The following SMYD2 variants were observed in gnomAD, a reference collection of about 807,000 sequenced individuals.
SMYD2 encodes the protein SET and MYND domain containing 2, also known as N-lysine methyltransferase SMYD2.
In SMYD2, 53 loss-of-function variants were observed where a neutral mutation model predicts 59.1. The ratio of observed to expected loss-of-function variants is 0.90; its 90% CI spans 0.72 to 1.13. SMYD2 has a LOEUF of 1.13. Ranked by LOEUF, SMYD2 falls within the 50% of genes most tolerant of loss-of-function variation. The pLI, the probability that SMYD2 is intolerant of heterozygous loss-of-function variation, is 0.00. For missense variants in SMYD2, 494 were observed against 544.7 expected (o/e 0.91, Z 0.93); for synonymous variants, 208 against 198.8 (o/e 1.05, Z -0.39).
At chr1:214,295,397 A>ATT (rs59706455) in intron 1 of SMYD2, among the ~76,000 whole-genome samples, 1,548 of 151,750 alleles carry the variant, frequency 0.01, 13 homozygotes, top group South Asian at 0.023. Context: ...AGCTTCATGA[A>ATT]TTTTTTTTGC....
intron 1 of SMYD2, among the ~76,000 whole-genome samples, chr1:214,301,983 T>C (rs1656831513): frequency 6.6e-6 from 1 of 152,198 alleles, no homozygotes; most frequent in Non-Finnish European, 1.5e-5. Flanking sequence ...TATTCATTAC[T>C]GCGTCGTCAG....
In SMYD2 at chr1:214,330,157, G is replaced by T; in HGVS notation, c.706-11G>T. 1 of 1,566,692 alleles carries T rather than the reference G, an allele frequency of 6.4e-7. No individual in the cohort carries two copies. The highest frequency in any genetic ancestry group is 8.7e-7 in the Non-Finnish European group (1 of 1,144,504). ...TAGCAGACTGAAGCTTTATCTTTTT[G>T]GACCCCGTAGGTTTTTACCAGCTAT... On this transcript the variant is annotated splice_polypyrimidine_tract_variant and intron_variant, in intron 7 of 11. Coordinates refer to ENST00000366957, the MANE Select transcript of SMYD2 (RefSeq NM_020197.3).
At chr1:214,317,382 G>A (rs1657103907) in intron 3 of SMYD2, among the ~76,000 whole-genome samples, 2 of 152,302 alleles carry the variant, frequency 1.3e-5, no homozygotes, top group South Asian at 4.1e-4. Flanking sequence ...CTACCAAGGG[G>A]AGGCTTAACA....
chr1:214,303,414 C>A (rs774463530), intron 1 of SMYD2, among the ~76,000 whole-genome samples: 3 of 152,108 alleles, frequency 2.0e-5, no homozygotes, highest in Admixed American at 6.5e-5. Flanking sequence ...CTTCTATATT[C>A]CAAAATGCAA....
At position 214,323,440 on chromosome 1, in the gene SMYD2, C is replaced by CT. The variant is rs1033137024; in HGVS notation, c.535-1192dup. ...CTTGGTATTTTTCTATGCAACATTT[C>CT]TTTTTTTTTGAGATGGAGTCTCACA... is the stretch of plus-strand genomic sequence containing the variant. On this transcript the variant is annotated intron_variant, in intron 5 of 11. Coordinates refer to ENST00000366957, the MANE Select transcript of SMYD2 (RefSeq NM_020197.3). Among the ~76,000 whole-genome samples the CT allele has an allele frequency of 3.6e-4, 54 of 151,458 alleles. 1 individual carries two copies. Among genetic ancestry groups the CT allele is most frequent in the Middle Eastern group, 6.8e-3 (2 of 292 alleles).
chr1:214,287,221 T>C (rs1656562390), intron 1 of SMYD2, among the ~76,000 whole-genome samples: 1 of 152,072 alleles, frequency 6.6e-6, no homozygotes, highest in African/African-American at 2.4e-5. Flanking sequence ...GGGGCGTTTT[T>C]ATGGAGTTGT....
intron 1 of SMYD2, among the ~76,000 whole-genome samples, chr1:214,297,060 A>G (rs1211657853): frequency 6.6e-6 from 1 of 152,222 alleles, no homozygotes; most frequent in Non-Finnish European, 1.5e-5. Context: ...CTTCAACTGT[A>G]TACAGCAATT....
Position 214,334,300 on chromosome 1 carries a change from CTGAAGAAGGT to C in SMYD2, c.1214_1221+2del. On this transcript the variant is annotated splice_donor_variant and coding_sequence_variant, in exon 11 of 12. Coordinates refer to ENST00000366957, the MANE Select transcript of SMYD2 (RefSeq NM_020197.3). LOFTEE classifies it high-confidence loss of function. ...ACACAAAGCCGCAGGGGAGAAAGCC[CTGAAGAAGGT>C]ATGTCTGTAACTCGGCCTTAGGATT... 6.2e-7 allele frequency: 1 copy of C among 1,613,426 alleles called. No homozygotes were observed. Among genetic ancestry groups the C allele is most frequent in the Non-Finnish European group, 8.5e-7 (1 of 1,180,000 alleles).
chr1:214,319,886 A>G (rs1440042003), intron 5 of SMYD2, among the ~76,000 whole-genome samples: 1 of 152,252 alleles, frequency 6.6e-6, no homozygotes, highest in Non-Finnish European at 1.5e-5. Context: ...GGACACCTCC[A>G]TGGTTTTGTC....
intron 1 of SMYD2, among the ~76,000 whole-genome samples, chr1:214,289,417 C>T (rs962531402): frequency 1.3e-5 from 2 of 152,300 alleles, no homozygotes; most frequent in South Asian, 2.1e-4. Context: ...TAAAAGCATG[C>T]TTTGTCTTCC....
At position 214,287,501 on chromosome 1, in the gene SMYD2, C is replaced by A. The variant is rs141135485; in HGVS notation, c.173+6074C>A. Among the ~76,000 whole-genome samples, 1,186 of 145,448 alleles carry A rather than the reference C, an allele frequency of 8.2e-3. 26 individuals carry two copies. The highest frequency in any genetic ancestry group is 0.029 in the African/African-American group (1,131 of 39,240). On this transcript the variant is annotated intron_variant, in intron 1 of 11. Coordinates refer to ENST00000366957, the MANE Select transcript of SMYD2 (RefSeq NM_020197.3). ...ACTTGGGAGGCTGAGGCAGGAGAATCGCTTGAACCCGGGAGGTGGAGGTTG... is the reference window on the plus strand; with the variant it reads ...ACTTGGGAGGCTGAGGCAGGAGAATAGCTTGAACCCGGGAGGTGGAGGTTG...
intron 7 of SMYD2, among the ~76,000 whole-genome samples, chr1:214,329,241 C>T (rs542217694): frequency 4.6e-5 from 7 of 152,312 alleles, no homozygotes; most frequent in East Asian, 1.9e-4. Flanking sequence ...TGAGCTGCAA[C>T]GTGTCCAGTA....
intron 11 of SMYD2, 125 bp downstream of exon 11, chr1:214,334,433 T>G: frequency 1.2e-6 from 1 of 862,258 alleles, no homozygotes; most frequent in Non-Finnish European, 1.9e-6. Flanking sequence ...CCCACCCTCT[T>G]GCCGTGGGAG....
intron 1 of SMYD2, among the ~76,000 whole-genome samples, chr1:214,284,806 G>A (rs1040804559): frequency 5.3e-5 from 8 of 152,170 alleles, no homozygotes; most frequent in Admixed American, 4.6e-4. Context: ...GTGAGCCACC[G>A]TGCCTGGCCT....
At chr1:214,283,136 C>T (rs1656475375) in intron 1 of SMYD2, among the ~76,000 whole-genome samples, 1 of 152,222 alleles carries the variant, frequency 6.6e-6, no homozygotes, top group Non-Finnish European at 1.5e-5. Context: ...ATGAGAAGAA[C>T]TGAGAGATGC....
At position 214,330,987 on chromosome 1, in the gene SMYD2, C is replaced by T; in HGVS notation, c.854C>T (p.Pro285Leu). ...AKVEIRKLSD[P>L]PKAEAIRDMV... ...GTGGAAATCCGGAAGCTCAGCGATC[C>T]CCCAAAGGCAGAAGCCATCCGAGAC... Residue 285 changes from proline to leucine, a missense_variant, in exon 9 of 12, where the codon CCC (proline) becomes CTC (leucine). Transcript: ENST00000366957. 4 of 1,614,192 alleles carry T rather than the reference C, an allele frequency of 2.5e-6. No individual in the cohort carries two copies. The highest frequency in any genetic ancestry group is 1.1e-5 in the South Asian group (1 of 91,080).
chr1:214,308,493 G>A (rs1183510104), intron 2 of SMYD2, among the ~76,000 whole-genome samples: 3 of 147,608 alleles, frequency 2.0e-5, no homozygotes, highest in South Asian at 2.1e-4. Flanking sequence ...TTCAGGGTTC[G>A]GCTTAAGGGA....
At chr1:214,293,695 A>T (rs1175710662) in intron 1 of SMYD2, among the ~76,000 whole-genome samples, 1 of 151,890 alleles carries the variant, frequency 6.6e-6, no homozygotes, top group Non-Finnish European at 1.5e-5. Flanking sequence ...TCTTTTTTTG[A>T]GATGGAGTTT....
At chr1:214,288,634 T>C in intron 1 of SMYD2, among the ~76,000 whole-genome samples, 1 of 152,254 alleles carries the variant, frequency 6.6e-6, no homozygotes, top group Non-Finnish European at 1.5e-5. Context: ...AAGAATTATT[T>C]AAAGTTTTAA....
Sources: allele counts gnomAD v4.1 joint callset (sites outside exome capture counted in the v4.1 genomes callset), GRCh38; gene constraint gnomAD v4.1.1; transcripts MANE v1.5; gene names NCBI Gene and HGNC (gene_info 2026-07-23, HGNC 2026-07-21).